RTL1: variants seen among roughly 807,000 people sequenced by gnomAD.
RTL1 encodes the protein retrotransposon Gag like 1, also known as retrotransposon-like protein 1.
For missense variants in RTL1, 1,681 were observed against 1,767.5 expected (o/e 0.95, Z 0.88); for synonymous variants, 727 against 748.4 (o/e 0.97, Z 0.47).
intron 2 of RTL1, among the ~76,000 whole-genome samples, chr14:100,897,090 C>T (rs892140335): frequency 3.9e-5 from 6 of 152,112 alleles, no homozygotes; most frequent in South Asian, 2.1e-4. Flanking sequence ...CCTGCCAGCC[C>T]GATGTCACTG....
Position 100,880,540 on chromosome 14 carries a change from T to C in RTL1, c.*172A>G. On this transcript the variant is annotated 3_prime_UTR_variant, in exon 4 of 4. Transcript: ENST00000649591. ...GGGTAGTCCGTTAGCACAGGTGGCATTGCTGGTTGATGAGTTGAAGAAGTT... is the reference window on the plus strand; with the variant it reads ...GGGTAGTCCGTTAGCACAGGTGGCACTGCTGGTTGATGAGTTGAAGAAGTT... 1 of 1,312,566 alleles carries C rather than the reference T, an allele frequency of 7.6e-7. No individual in the cohort carries two copies. Among genetic ancestry groups the C allele is most frequent in the Non-Finnish European group, 1.0e-6 (1 of 983,898 alleles). 81.3% of individuals were successfully genotyped at this position (1,312,566 alleles called of 1,614,324 possible).
intron 3 of RTL1, among the ~76,000 whole-genome samples, chr14:100,886,133 T>C (rs1354920371): frequency 1.3e-5 from 2 of 151,930 alleles, no homozygotes; most frequent in African/African-American, 4.8e-5. Flanking sequence ...TCTGATAGAT[T>C]AACTGTAAAG....
At chr14:100,903,122 G>A (rs2038965450) in intron 2 of RTL1, among the ~76,000 whole-genome samples, 169 bp downstream of exon 2, 1 of 152,176 alleles carries the variant, frequency 6.6e-6, no homozygotes. Flanking sequence ...CAGCACGAGG[G>A]GTAAAGCATG....
chr14:100,899,551 T>C (rs1056348982), intron 2 of RTL1, among the ~76,000 whole-genome samples: 3 of 151,988 alleles, frequency 2.0e-5, no homozygotes, highest in Admixed American at 6.5e-5. Flanking sequence ...CCACTGGCAG[T>C]GTTTGGGCTT....
At chr14:100,888,165 C>T (rs1209960418) in intron 3 of RTL1, among the ~76,000 whole-genome samples, 1 of 152,198 alleles carries the variant, frequency 6.6e-6, no homozygotes, top group Non-Finnish European at 1.5e-5. Context: ...TCCCCCACCC[C>T]TTCCAAACAC....
chr14:100,896,624 CG>C (rs1364780595), intron 2 of RTL1, among the ~76,000 whole-genome samples: 1 of 120,012 alleles, frequency 8.3e-6, no homozygotes, highest in Non-Finnish European at 1.7e-5. Flanking sequence ...TGACGGGAGT[CG>C]GGGTGCCTCC....
intron 2 of RTL1, among the ~76,000 whole-genome samples, chr14:100,902,665 G>A (rs992273533): frequency 6.6e-6 from 1 of 152,218 alleles, no homozygotes; most frequent in African/African-American, 2.4e-5. Context: ...GGGGGCTCCC[G>A]AGCCAGGCAG....
rs1032109645 is a variant in RTL1, at chr14:100,883,658, C to T, written c.1131G>A (p.Arg377=). The change falls in exon 4 of 4, where the codon CGG becomes CGA. Residue 377 remains arginine, a synonymous_variant. Coordinates refer to ENST00000649591, the MANE Select transcript of RTL1 (RefSeq NM_001134888.3). The surrounding 1 kb of genome is among the most constrained non-coding windows in gnomAD (Gnocchi z 5.9). ...CAGGTGAGTCGATCCAGGTCAGGTT[C>T]CGGGGGCGGGCCTCGGGGGGCAGCC... is the stretch of plus-strand genomic sequence containing the variant. The part of the protein sequence containing the change: ...MLRLPPEARP[R]NLTWIDSPAP... 12 of 1,550,874 alleles carry T rather than the reference C, an allele frequency of 7.7e-6. No individual in the cohort carries two copies. In the East Asian group the frequency reaches 1.2e-4, roughly 16 times the overall value.
Position 100,881,596 on chromosome 14 carries a change from C to A in RTL1, c.3193G>T (p.Ala1065Ser), listed in dbSNP as rs988429045. The A allele has an allele frequency of 3.0e-5, 46 of 1,551,592 alleles. No individual in the cohort carries two copies. The highest frequency in any genetic ancestry group is 4.0e-5 in the Non-Finnish European group (46 of 1,147,014). The change falls in exon 4 of 4, where the codon GCC becomes TCC. Residue 1065 changes from alanine (A) to serine (S), a missense_variant. By Grantham distance (99) the Ala-to-Ser change is moderately conservative (BLOSUM62 1). Coordinates refer to ENST00000649591, the MANE Select transcript of RTL1 (RefSeq NM_001134888.3). The surrounding 1 kb of genome is among the most constrained non-coding windows in gnomAD (Gnocchi z 6.6). ...CTGATCTGGGCCATGCTGAAGTGGG[C>A]GAGGAAGCTGTTGAGGATCTGGTCG... is the stretch of plus-strand genomic sequence containing the variant. ...PIDQILNSFL[A>S]HFSMAQIRAV...
chr14:100,884,664 C>G lies in RTL1; in HGVS notation c.125G>C (p.Arg42Pro). Residue 42 changes from arginine (R) to proline (P), a missense_variant, in exon 4 of 4, where the codon CGG becomes CCG. Arg to Pro is a moderately radical substitution (Grantham distance 103). Transcript: ENST00000649591. ...TTEATSGSGV[R>P]GEAGPASGPA... ...GCCGCTGGCTGGCCCTGCCTCTCCC[C>G]GCACTCCACTGCCCGACGTCGCCTC... is the stretch of plus-strand genomic sequence containing the variant. 1.9e-6 allele frequency: 3 copies of G among 1,613,646 alleles called. No homozygotes were observed. Among genetic ancestry groups the G allele is most frequent in the Non-Finnish European group, 2.5e-6 (3 of 1,179,958 alleles).
At position 100,882,946 on chromosome 14, in the gene RTL1, G is replaced by T; in HGVS notation, c.1843C>A (p.Pro615Thr). Residue 615 changes from proline (P) to threonine (T), a missense_variant, in exon 4 of 4, where the codon CCT becomes ACT. By Grantham distance (38) the Pro-to-Thr change is conservative (BLOSUM62 -1). Transcript: ENST00000649591. Reference sequence around the variant, plus strand: ...ATCCTGGCACCCACAGGTTCCCAAGGCGCGGTGGAGGGACACTCGTAAAAG... The same window carrying T: ...ATCCTGGCACCCACAGGTTCCCAAGTCGCGGTGGAGGGACACTCGTAAAAG... ...ETFYECPSTA[P>T]WEPVGARMQE... 6.2e-7 allele frequency: 1 copy of T among 1,613,352 alleles called. No homozygotes were observed. The highest frequency in any genetic ancestry group is 1.3e-5 in the African/African-American group (1 of 75,022).
chr14:100,887,254 A>T (rs2140041214), intron 3 of RTL1, among the ~76,000 whole-genome samples: 1 of 152,272 alleles, frequency 6.6e-6, no homozygotes, highest in East Asian at 1.9e-4. Context: ...AATTCTGACC[A>T]TGTCATTCCT....
chr14:100,890,148 C>T (rs896293706), intron 3 of RTL1, among the ~76,000 whole-genome samples: 1 of 150,032 alleles, frequency 6.7e-6, no homozygotes, highest in Admixed American at 6.7e-5. Flanking sequence ...TTGAGGTCTT[C>T]GAATGGGACC....
rs949907741 is a variant in RTL1, at chr14:100,880,523, C to T, written c.*189G>A. 11 of 1,208,486 alleles carry T rather than the reference C, an allele frequency of 9.1e-6. No homozygotes were observed. The highest frequency in any genetic ancestry group is 3.1e-5 in the African/African-American group (2 of 65,096). 74.9% of individuals were successfully genotyped at this position (1,208,486 alleles called of 1,614,324 possible). A position where few individuals can be genotyped will look rare whatever the true frequency, so the allele number is the denominator to read the frequency against. ...CTGGGTCTCTGAGGACTGGGTAGTC[C>T]GTTAGCACAGGTGGCATTGCTGGTT... On this transcript the variant is annotated 3_prime_UTR_variant, in exon 4 of 4. Coordinates refer to ENST00000649591, the MANE Select transcript of RTL1 (RefSeq NM_001134888.3).
chr14:100,892,360 CTCAGT>C (rs2038792719), intron 3 of RTL1, among the ~76,000 whole-genome samples: 1 of 152,202 alleles, frequency 6.6e-6, no homozygotes, highest in South Asian at 2.1e-4. Flanking sequence ...CTTGCAGAAC[CTCAGT>C]TTCTAAGGGG....
chr14:100,881,559 A>T lies in RTL1; in HGVS notation c.3230T>A (p.Leu1077Gln). Reference sequence around the variant, plus strand: ...GTACAGGAGGCCTCGGAAGAAGTGCAGAATGACGGCCCTGATCTGGGCCAT... The same window carrying T: ...GTACAGGAGGCCTCGGAAGAAGTGCTGAATGACGGCCCTGATCTGGGCCAT... Reference protein sequence around the residue: ...FSMAQIRAVILHFFRGLLYWK... With the variant: ...FSMAQIRAVIQHFFRGLLYWK... The change falls in exon 4 of 4, where the codon CTG (leucine) becomes CAG (glutamine). Residue 1077 changes from leucine to glutamine, a missense_variant. Coordinates refer to ENST00000649591, the MANE Select transcript of RTL1 (RefSeq NM_001134888.3). The surrounding 1 kb of genome is among the most constrained non-coding windows in gnomAD (Gnocchi z 6.6). The T allele has an allele frequency of 6.4e-7, 1 of 1,551,780 alleles. No homozygotes were observed. The highest frequency in any genetic ancestry group is 1.2e-5 in the South Asian group (1 of 84,066).
intron 3 of RTL1, among the ~76,000 whole-genome samples, chr14:100,887,697 C>A (rs2038712857): frequency 6.6e-6 from 1 of 151,990 alleles, no homozygotes; most frequent in African/African-American, 2.4e-5. Flanking sequence ...TTGCAGTGAG[C>A]CGAGATTGCG....
rs2038972195 is a variant in RTL1, at chr14:100,903,606, GTC to G, written c.-248_-247del. ...AGAAAGGCAAAGTCCTATACTCACC[GTC>G]TCTCAGCTGGTGTGAGGCTGGGCCA... On this transcript the variant is annotated splice_region_variant and 5_prime_UTR_variant, in exon 1 of 4. Transcript: ENST00000649591. Among the ~76,000 whole-genome samples, 1 of 152,120 alleles carries G rather than the reference GTC, an allele frequency of 6.6e-6. No individual in the cohort carries two copies. Among genetic ancestry groups the G allele is most frequent in the Non-Finnish European group, 1.5e-5 (1 of 68,016 alleles).
chr14:100,897,908 AGG>A (rs762840304), intron 2 of RTL1: 28 of 507,822 alleles, frequency 5.5e-5, no homozygotes, highest in African/African-American at 4.8e-4. Context: ...GCAAAATAAA[AGG>A]GGGCTTTTCT....
Sources: allele counts gnomAD v4.1 joint callset (sites outside exome capture counted in the v4.1 genomes callset), GRCh38; gene constraint gnomAD v4.1.1; non-coding constraint Gnocchi (gnomAD v3.1); transcripts MANE v1.5; gene names NCBI Gene and HGNC (gene_info 2026-07-23, HGNC 2026-07-21).